Variants in SLC24A3 observed in about 807,000 individuals in gnomAD.
SLC24A3 encodes sodium/potassium/calcium exchanger 3.
A neutral mutation model predicts 75.8 loss-of-function variants in SLC24A3; 28 were observed. The observed-to-expected ratio is 0.37, with a 90% CI of 0.27 to 0.51. SLC24A3 has a LOEUF of 0.51. Among genes scored for constraint, SLC24A3 ranks in the 20% least tolerant of loss-of-function variants. The pLI is 0.94. For missense variants in SLC24A3, 663 were observed against 847.8 expected, an observed-to-expected ratio of 0.78 and a Z score of 2.71; for synonymous variants, 372 against 334.1, an observed-to-expected ratio of 1.11 and a Z score of -1.24.
chr20:19,548,727 C>T (rs1318036097), intron 3 of SLC24A3, among the ~76,000 whole-genome samples: 1 of 152,228 alleles, frequency 6.6e-6, no homozygotes, highest in Non-Finnish European at 1.5e-5. Context: ...CAAGAATAAT[C>T]TTCCTCTTTT....
At chr20:19,304,366 G>A (rs551997500) in intron 2 of SLC24A3, among the ~76,000 whole-genome samples, 33 of 151,174 alleles carry the variant, frequency 2.2e-4, no homozygotes, top group African/African-American at 8.2e-4. Context: ...ATCTTTCAAA[G>A]CAGATGTTGT....
intron 2 of SLC24A3, among the ~76,000 whole-genome samples, chr20:19,468,927 G>T (rs1001625611): frequency 6.6e-6 from 1 of 152,150 alleles, no homozygotes; most frequent in African/African-American, 2.4e-5. Flanking sequence ...GGAACGGTGG[G>T]TAATGAAAAG....
intron 2 of SLC24A3, among the ~76,000 whole-genome samples, chr20:19,456,464 T>C (rs1987579721): frequency 6.6e-6 from 1 of 152,256 alleles, no homozygotes; most frequent in Non-Finnish European, 1.5e-5. Context: ...CTGCCATCCA[T>C]GTAAGACGGG....
At chr20:19,514,537 G>T (rs2029946009) in intron 2 of SLC24A3, among the ~76,000 whole-genome samples, 1 of 152,124 alleles carries the variant, frequency 6.6e-6, no homozygotes, top group Non-Finnish European at 1.5e-5. Flanking sequence ...GCTGTGGGTG[G>T]GGGTGGTGTG....
chr20:19,327,341 C>T (rs1011446070), intron 2 of SLC24A3, among the ~76,000 whole-genome samples: 8 of 152,178 alleles, frequency 5.3e-5, no homozygotes, highest in South Asian at 2.1e-4. Context: ...AATAAAAAAA[C>T]GTTCTTTCAT....
chr20:19,716,534 C>A (rs1234076281), intron 15 of SLC24A3, among the ~76,000 whole-genome samples: 1 of 151,824 alleles, frequency 6.6e-6, no homozygotes, highest in Non-Finnish European at 1.5e-5. Flanking sequence ...ACAGAAAGTT[C>A]TGCTCATCAG....
intron 2 of SLC24A3, among the ~76,000 whole-genome samples, chr20:19,339,045 G>A (rs1009576422): frequency 6.6e-6 from 1 of 152,108 alleles, no homozygotes; most frequent in African/African-American, 2.4e-5. Context: ...CTCAGCAAAG[G>A]GACACTGCCA....
intron 1 of SLC24A3, among the ~76,000 whole-genome samples, chr20:19,245,240 T>C (rs545490961): frequency 6.6e-6 from 1 of 152,170 alleles, no homozygotes; most frequent in African/African-American, 2.4e-5. Context: ...TGCCAAGAAA[T>C]TAACATATTA....
chr20:19,355,135 C>T (rs746243577), intron 2 of SLC24A3: 1 of 152,224 alleles, frequency 6.6e-6, no homozygotes, highest in Non-Finnish European at 1.5e-5. Context: ...GTCAGGAACC[C>T]AGCCGGCTCT....
At chr20:19,294,428 C>T (rs553330556) in intron 2 of SLC24A3, among the ~76,000 whole-genome samples, 8 of 152,294 alleles carry the variant, frequency 5.3e-5, no homozygotes, top group African/African-American at 1.7e-4. Context: ...TCCTGATGCT[C>T]TTTCTCCCCC....
intron 2 of SLC24A3, among the ~76,000 whole-genome samples, chr20:19,398,599 CAT>C (rs1049898674): frequency 1.8e-4 from 27 of 152,272 alleles, no homozygotes; most frequent in African/African-American, 5.8e-4. Context: ...AAATTTTCCA[CAT>C]AGAGGGTTAT....
intron 2 of SLC24A3, among the ~76,000 whole-genome samples, chr20:19,482,701 T>A (rs1455627487): frequency 1.3e-5 from 2 of 152,214 alleles, no homozygotes; most frequent in African/African-American, 4.8e-5. Context: ...GGAGGATTGT[T>A]CTTTCTTCTG....
intron 2 of SLC24A3, among the ~76,000 whole-genome samples, chr20:19,429,978 T>G: frequency 6.6e-6 from 1 of 151,686 alleles, no homozygotes; most frequent in East Asian, 1.9e-4. Context: ...TTTAATAGGG[T>G]GAAGGGTGGG....
intron 6 of SLC24A3, among the ~76,000 whole-genome samples, chr20:19,621,215 T>C (rs1456574642): frequency 2.0e-5 from 3 of 152,226 alleles, no homozygotes; most frequent in Admixed American, 6.5e-5. Flanking sequence ...CCTTCCTCTT[T>C]GTGCAGCAGT....
rs752976291 is a variant in SLC24A3, at chr20:19,584,986, G to C, written c.439G>C (p.Glu147Gln). 6.2e-7 allele frequency: 1 copy of C among 1,613,850 alleles called. No homozygotes were observed. The highest frequency in any genetic ancestry group is 8.5e-7 in the Non-Finnish European group (1 of 1,179,756). Residue 147 changes from glutamate (E) to glutamine (Q), a missense_variant, in exon 5 of 17, where the codon GAA becomes CAA. Physicochemically the swap from Glu to Gln is conservative, Grantham distance 29 (BLOSUM62 2). Transcript: ENST00000328041. ...TCCTCTGTAGCGCCTGCACCTCAGT[G>C]AAGATGTGGCTGGGGCCACATTCAT... ...EKICERLHLS[E>Q]DVAGATFMAA...
intron 2 of SLC24A3, among the ~76,000 whole-genome samples, chr20:19,331,647 C>T (rs1985003373): frequency 6.6e-6 from 1 of 152,094 alleles, no homozygotes; most frequent in Non-Finnish European, 1.5e-5. Flanking sequence ...ATCAGGCCCC[C>T]TTTTTATTGA....
chr20:19,695,300 G>A (rs1459662795), intron 13 of SLC24A3: 2 of 152,190 alleles, frequency 1.3e-5, no homozygotes, highest in African/African-American at 2.4e-5. Context: ...TACAACATGT[G>A]CTTTGCATTT....
chr20:19,585,342 A>G (rs961972755), intron 5 of SLC24A3, 99 bp from the exon 6 acceptor site: 24 of 1,169,612 alleles, frequency 2.1e-5, no homozygotes, highest in African/African-American at 4.6e-5. Context: ...TTTCCTGTAG[A>G]TTCTGAGAAC....
intron 12 of SLC24A3, among the ~76,000 whole-genome samples, chr20:19,688,865 C>T (rs1345918041): frequency 6.7e-6 from 1 of 149,210 alleles, no homozygotes; most frequent in Non-Finnish European, 1.5e-5. Flanking sequence ...TTAACATGCA[C>T]ATGTATACTG....
Sources: allele counts gnomAD v4.1 joint callset (sites outside exome capture counted in the v4.1 genomes callset), GRCh38; gene constraint gnomAD v4.1.1; transcripts MANE v1.5; gene names NCBI Gene and HGNC (gene_info 2026-07-23, HGNC 2026-07-21).